KCNQ5: variants seen among roughly 807,000 people sequenced by gnomAD.
KCNQ5 encodes potassium voltage-gated channel subfamily Q member 5.
A neutral mutation model predicts 98.2 loss-of-function variants in KCNQ5; 30 were observed. The ratio of observed to expected loss-of-function variants is 0.31; its 90% confidence interval spans 0.23 to 0.41. The LOEUF (loss-of-function observed/expected upper bound fraction) is 0.41. Among genes scored for constraint, KCNQ5 ranks in the 10% least tolerant of loss-of-function variants. The pLI, the probability that KCNQ5 is intolerant of heterozygous loss-of-function variation, is 1.00. For synonymous variants in KCNQ5, 458 were observed against 449.4 expected (o/e 1.02, Z -0.24); for missense variants, 835 against 1,182.5 (o/e 0.71, Z 4.31).
At chr6:72,860,867 G>T (rs1539335) in intron 1 of KCNQ5, among the ~76,000 whole-genome samples, 32,648 of 151,536 alleles carry the variant, frequency 0.22, 3,863 homozygotes, top group East Asian at 0.37. Flanking sequence ...GTGTGTGTGT[G>T]TGTGTGTATG....
chr6:72,875,795 A>G (rs1010604863), intron 1 of KCNQ5, among the ~76,000 whole-genome samples: 10 of 152,072 alleles, frequency 6.6e-5, no homozygotes, highest in Non-Finnish European at 1.3e-4. Context: ...TATTATCATC[A>G]CTAATGTACC....
At chr6:73,030,849 G>A (rs76454399) in intron 2 of KCNQ5, among the ~76,000 whole-genome samples, 1,565 of 152,214 alleles carry the variant, frequency 0.01, 17 homozygotes, top group Non-Finnish European at 0.013. Context: ...CATTTCTTCC[G>A]GGTTTTTCAC....
intron 3 of KCNQ5, among the ~76,000 whole-genome samples, chr6:73,072,655 T>C (rs1468748605): frequency 6.6e-6 from 1 of 152,204 alleles, no homozygotes; most frequent in African/African-American, 2.4e-5. Context: ...GTGTCTTAAA[T>C]ATCATTATGG....
chr6:72,944,557 G>A (rs550273248), intron 1 of KCNQ5, among the ~76,000 whole-genome samples: 1 of 152,262 alleles, frequency 6.6e-6, no homozygotes, highest in South Asian at 2.1e-4. Context: ...ATTCAAACTT[G>A]AGCCTTTAAT....
chr6:72,632,355 A>G (rs1035253136), intron 1 of KCNQ5, among the ~76,000 whole-genome samples: 9 of 151,726 alleles, frequency 5.9e-5, no homozygotes, highest in African/African-American at 1.9e-4. Flanking sequence ...GTTAGCCAGG[A>G]TGGTCTCCAT....
At chr6:72,669,545 T>G (rs981026775) in intron 1 of KCNQ5, among the ~76,000 whole-genome samples, 8 of 152,176 alleles carry the variant, frequency 5.3e-5, no homozygotes, top group Non-Finnish European at 1.2e-4. Flanking sequence ...GGAAAGAGCC[T>G]TACCCACCTG....
chr6:72,934,167 G>A (rs978190442), intron 1 of KCNQ5, among the ~76,000 whole-genome samples: 3 of 152,190 alleles, frequency 2.0e-5, no homozygotes, highest in Admixed American at 6.5e-5. Flanking sequence ...TCTCTGAGAA[G>A]GTAGCATTTG....
chr6:72,937,876 T>C (rs1355831672), intron 1 of KCNQ5, among the ~76,000 whole-genome samples: 4 of 152,220 alleles, frequency 2.6e-5, no homozygotes, highest in Non-Finnish European at 5.9e-5. Flanking sequence ...CCCCAAGTTT[T>C]CTCAATAGTC....
At chr6:73,186,898 C>A (rs1582506896) in intron 11 of KCNQ5, among the ~76,000 whole-genome samples, 1 of 151,934 alleles carries the variant, frequency 6.6e-6, no homozygotes, top group Non-Finnish European at 1.5e-5. Context: ...CCCATTAACT[C>A]GTCATTTACA....
chr6:73,029,020 G>A lies in KCNQ5; in HGVS notation c.490-12916G>A, dbSNP rs17745506. On this transcript the variant is annotated intron_variant, in intron 2 of 13. Coordinates refer to ENST00000370398, the MANE Select transcript of KCNQ5 (RefSeq NM_019842.4). ...ATTCATCCTGCTGTGGATAGAGGCC[G>A]TCACCCATCAGAGGTTGTTTGGTAA... 1.1e-4 allele frequency among the ~76,000 whole-genome samples: 17 copies of A among 152,202 alleles called. 1 individual carries two copies. The highest frequency in any genetic ancestry group is 3.3e-4 in the Admixed American group (5 of 15,286).
At chr6:72,625,394 C>T (rs2098917566) in intron 1 of KCNQ5, among the ~76,000 whole-genome samples, 2 of 152,258 alleles carry the variant, frequency 1.3e-5, no homozygotes, top group East Asian at 1.9e-4. Flanking sequence ...ACCTGACAGC[C>T]ATATTTCCTA....
At chr6:73,139,781 C>T (rs1776630219) in intron 10 of KCNQ5, among the ~76,000 whole-genome samples, 1 of 152,174 alleles carries the variant, frequency 6.6e-6, no homozygotes, top group African/African-American at 2.4e-5. Context: ...ATCACCACCA[C>T]CACTAAGGGA....
At chr6:72,875,391 C>A (rs939760448) in intron 1 of KCNQ5, among the ~76,000 whole-genome samples, 3 of 152,160 alleles carry the variant, frequency 2.0e-5, no homozygotes, top group Admixed American at 2.0e-4. Flanking sequence ...AAACTTTTCT[C>A]CATGTTGGAG....
chr6:72,635,302 T>A (rs955578232), intron 1 of KCNQ5, among the ~76,000 whole-genome samples: 1 of 152,132 alleles, frequency 6.6e-6, no homozygotes, highest in Non-Finnish European at 1.5e-5. Context: ...AGTGCTGGGA[T>A]TATAGGAATG....
chr6:73,036,429 A>G (rs1277360596), intron 2 of KCNQ5, among the ~76,000 whole-genome samples: 1 of 147,682 alleles, frequency 6.8e-6, no homozygotes, highest in Non-Finnish European at 1.5e-5. Flanking sequence ...GGACAGTTCC[A>G]TTGTCACAAG....
At chr6:73,153,090 T>C (rs1271465809) in intron 10 of KCNQ5, among the ~76,000 whole-genome samples, 1 of 152,144 alleles carries the variant, frequency 6.6e-6, no homozygotes, top group Non-Finnish European at 1.5e-5. Context: ...ACCTTCCTTA[T>C]CTTAGTTATC....
chr6:72,781,193 G>A (rs912519719), intron 1 of KCNQ5, among the ~76,000 whole-genome samples: 4 of 152,142 alleles, frequency 2.6e-5, no homozygotes, highest in Admixed American at 1.3e-4. Context: ...AAAGGAACAT[G>A]AAGGCCAAGA....
chr6:72,690,957 G>T (rs1021091885), intron 1 of KCNQ5, among the ~76,000 whole-genome samples: 2 of 151,956 alleles, frequency 1.3e-5, no homozygotes, highest in African/African-American at 4.8e-5. Context: ...CTAAAGAATT[G>T]TTATATATCA....
At chr6:72,910,596 G>A (rs1046921437) in intron 1 of KCNQ5, among the ~76,000 whole-genome samples, 4 of 151,130 alleles carry the variant, frequency 2.6e-5, no homozygotes, top group African/African-American at 9.7e-5. Context: ...GTGTGTGTGT[G>A]TGTGTGTGTG....
Sources: allele counts gnomAD v4.1 joint callset (sites outside exome capture counted in the v4.1 genomes callset), GRCh38; gene constraint gnomAD v4.1.1; transcripts MANE v1.5; gene names NCBI Gene and HGNC (gene_info 2026-07-23, HGNC 2026-07-21).